Variants in ZNF804A observed in about 807,000 individuals in gnomAD.
ZNF804A encodes zinc finger protein 804A.
In ZNF804A, 2 loss-of-function variants were observed where a neutral mutation model predicts 16.5. That is an observed-to-expected ratio of 0.12 (90% CI 0.05 to 0.38). ZNF804A has a LOEUF of 0.38. Among genes scored for constraint, ZNF804A ranks in the 10% least tolerant of loss-of-function variants. The probability of loss-of-function intolerance (pLI) is 0.99; values close to 1 mark genes in which losing one functional copy is unlikely to be tolerated. For missense variants in ZNF804A, 1,473 were observed against 1,390.7 expected, an observed-to-expected ratio of 1.06 and a Z score of -0.94; for synonymous variants, 534 against 489.6, an observed-to-expected ratio of 1.09 and a Z score of -1.20.
rs1033261258 is a variant in ZNF804A at position 184,922,163 on chromosome 2, T to C, written c.256-11440T>C. On this transcript the variant is annotated intron_variant, in intron 2 of 3. Transcript: ENST00000302277. ...CTGGATTGTATGGTAGCTCTATTTT[T>C]AGTTTTTTAAGTTACTGTTCTCCAG... is the stretch of plus-strand genomic sequence containing the variant. Among the ~76,000 whole-genome samples the C allele has an allele frequency of 2.6e-5, 4 of 152,262 alleles. No homozygotes were observed. The South Asian group carries it at 8.3e-4, about 32-fold the overall frequency.
chr2:184,734,588 T>A (rs1003966013), intron 1 of ZNF804A, among the ~76,000 whole-genome samples: 5 of 152,230 alleles, frequency 3.3e-5, no homozygotes, highest in Admixed American at 2.6e-4. Context: ...TTGCCCAGAA[T>A]GTGGTCTATC....
chr2:184,803,775 T>C (rs1176368647), intron 1 of ZNF804A, among the ~76,000 whole-genome samples: 1 of 152,080 alleles, frequency 6.6e-6, no homozygotes, highest in African/African-American at 2.4e-5. Flanking sequence ...AGGTGTTGTT[T>C]GGTTTGGAGC....
At chr2:184,822,992 T>C (rs949467838) in intron 1 of ZNF804A, among the ~76,000 whole-genome samples, 12 of 152,084 alleles carry the variant, frequency 7.9e-5, no homozygotes, top group Non-Finnish European at 1.3e-4. Flanking sequence ...ATAAGACAAA[T>C]AGTCGTTGTC....
rs139524613 is a variant in ZNF804A at position 184,784,317 on chromosome 2, A to G, written c.112-82052A>G. ...CATTAAATCTCATATAGCTAGATGTATATTTATCTATCTATTAATACCTGC... is the reference window on the plus strand; with the variant it reads ...CATTAAATCTCATATAGCTAGATGTGTATTTATCTATCTATTAATACCTGC... On this transcript the variant is annotated intron_variant, in intron 1 of 3. Coordinates refer to ENST00000302277, the MANE Select transcript of ZNF804A (RefSeq NM_194250.2). Among the ~76,000 whole-genome samples the G allele has an allele frequency of 2.8e-4, 43 of 152,054 alleles. No homozygotes were observed. In the East Asian group the frequency reaches 7.8e-3, roughly 28 times the overall value.
At chr2:184,837,786 TC>T (rs1398000547) in intron 1 of ZNF804A, among the ~76,000 whole-genome samples, 2 of 152,184 alleles carry the variant, frequency 1.3e-5, no homozygotes, top group African/African-American at 4.8e-5. Flanking sequence ...CTGAGCATAT[TC>T]TACAAGATAT....
chr2:184,646,110 A>G (rs1483807682), intron 1 of ZNF804A, among the ~76,000 whole-genome samples: 2 of 152,190 alleles, frequency 1.3e-5, no homozygotes, highest in African/African-American at 4.8e-5. Context: ...CCACATACAT[A>G]CAAAGTCAGC....
chr2:184,858,792 G>A (rs1423164188), intron 1 of ZNF804A, among the ~76,000 whole-genome samples: 3 of 152,074 alleles, frequency 2.0e-5, no homozygotes, highest in Admixed American at 6.5e-5. Flanking sequence ...ACTTTCATAT[G>A]TTTCATGTTA....
intron 1 of ZNF804A, among the ~76,000 whole-genome samples, chr2:184,725,571 C>A (rs1489321312): frequency 6.6e-6 from 1 of 151,498 alleles, no homozygotes; most frequent in Non-Finnish European, 1.5e-5. Context: ...ACTGAGAGGT[C>A]CTGTATACCT....
At chr2:184,929,305 G>T (rs552063540) in intron 2 of ZNF804A, among the ~76,000 whole-genome samples, 1 of 152,202 alleles carries the variant, frequency 6.6e-6, no homozygotes, top group South Asian at 2.1e-4. Flanking sequence ...TGGTTACTTT[G>T]AAACAGTAAA....
chr2:184,894,019 T>C (rs1278563514), intron 2 of ZNF804A, among the ~76,000 whole-genome samples: 3 of 152,244 alleles, frequency 2.0e-5, no homozygotes, highest in Admixed American at 6.5e-5. Flanking sequence ...AATTGTCTAA[T>C]CATAAAACCT....
chr2:184,679,298 G>T (rs941027883), intron 1 of ZNF804A, among the ~76,000 whole-genome samples: 15 of 152,216 alleles, frequency 9.9e-5, no homozygotes, highest in Non-Finnish European at 2.1e-4. Flanking sequence ...AATAGACAAG[G>T]TAGATGGGTC....
At chr2:184,935,332 A>C (rs1685767012) in intron 3 of ZNF804A, among the ~76,000 whole-genome samples, 1 of 152,164 alleles carries the variant, frequency 6.6e-6, no homozygotes. Context: ...GAATTGTTCA[A>C]CTGAATTCCC....
chr2:184,613,320 A>G (rs1691268695), intron 1 of ZNF804A, among the ~76,000 whole-genome samples: 3 of 152,180 alleles, frequency 2.0e-5, no homozygotes, highest in African/African-American at 7.2e-5. Flanking sequence ...CTGTCTCACT[A>G]CACACCATGG....
rs573124670 is a variant in ZNF804A at position 184,721,121 on chromosome 2, A to T, written c.111+122051A>T. ...AAGATGAATGAAAGACTTAAACATA[A>T]GACTCAAAACTATTAAAATCCTAGA... On this transcript the variant is annotated intron_variant, in intron 1 of 3. Transcript: ENST00000302277. Among the ~76,000 whole-genome samples, 10 of 152,312 alleles carry T rather than the reference A, an allele frequency of 6.6e-5. No individual in the cohort carries two copies. The South Asian group carries it at 1.9e-3, about 28-fold the overall frequency.
At chr2:184,828,170 CA>C (rs1695198704) in intron 1 of ZNF804A, among the ~76,000 whole-genome samples, 1 of 151,328 alleles carries the variant, frequency 6.6e-6, no homozygotes, top group Non-Finnish European at 1.5e-5. Flanking sequence ...CTGTAAAAAA[CA>C]AGATAGGTTT....
chr2:184,824,349 T>C (rs1378585947), intron 1 of ZNF804A, among the ~76,000 whole-genome samples: 1 of 152,172 alleles, frequency 6.6e-6, no homozygotes, highest in Non-Finnish European at 1.5e-5. Flanking sequence ...TTAAAGTACA[T>C]ATCTTTGGAT....
At chr2:184,850,724 A>AT in intron 1 of ZNF804A, among the ~76,000 whole-genome samples, 1 of 151,872 alleles carries the variant, frequency 6.6e-6, no homozygotes, top group Non-Finnish European at 1.5e-5. Context: ...AGAGAGAGTG[A>AT]TTTTCCAAAG....
intron 1 of ZNF804A, among the ~76,000 whole-genome samples, chr2:184,850,682 C>G (rs963287755): frequency 2.6e-5 from 4 of 151,200 alleles, no homozygotes; most frequent in South Asian, 2.1e-4. Context: ...AGCAAAGATG[C>G]TTTTTATCCT....
chr2:184,827,985 A>G (rs75450802), intron 1 of ZNF804A, among the ~76,000 whole-genome samples: 274 of 151,762 alleles, frequency 1.8e-3, no homozygotes, highest in Non-Finnish European at 3.2e-3. Flanking sequence ...CCTATCATCT[A>G]TTCTATTTAA....
Sources: allele counts gnomAD v4.1 joint callset (sites outside exome capture counted in the v4.1 genomes callset), GRCh38; gene constraint gnomAD v4.1.1; transcripts MANE v1.5; gene names NCBI Gene and HGNC (gene_info 2026-07-23, HGNC 2026-07-21).